Variants in MAGI1 observed in about 807,000 individuals in gnomAD.
MAGI1 encodes membrane-associated guanylate kinase, WW and PDZ domain-containing protein 1.
A neutral mutation model predicts 139.9 loss-of-function variants in MAGI1; 58 were observed. The observed-to-expected ratio is 0.41, with a 90% CI of 0.34 to 0.52. The LOEUF (loss-of-function observed/expected upper bound fraction) is 0.52. MAGI1 is among the 20% of genes least tolerant of loss of function. The pLI, the probability that MAGI1 is intolerant of heterozygous loss-of-function variation, is 0.12. For synonymous variants in MAGI1, 812 were observed against 737.9 expected (o/e 1.10, Z -1.63); for missense variants, 1,874 against 1,901.6 (o/e 0.99, Z 0.27).
intron 2 of MAGI1, chr3:65,499,070 A>C: frequency 1.0e-6 from 1 of 979,038 alleles, no homozygotes; most frequent in Non-Finnish European, 1.2e-6. Flanking sequence ...TAAAAAAAAA[A>C]AAACAAAAAA....
chr3:65,625,244 C>T (rs888951920), intron 1 of MAGI1, among the ~76,000 whole-genome samples: 1 of 152,078 alleles, frequency 6.6e-6, no homozygotes, highest in Non-Finnish European at 1.5e-5. Context: ...GAACTGTATA[C>T]ATAAAACAAG....
rs868730252 is a variant in MAGI1 at position 65,699,721 on chromosome 3, C to T, written c.314-77633G>A. On this transcript the variant is annotated intron_variant, in intron 1 of 22. Coordinates refer to ENST00000402939, the MANE Select transcript of MAGI1 (RefSeq NM_001033057.2). ...GAAGGGGAATATCACACTCTGGGGA[C>T]TGTGGTGGGGTGGGGGGAGGGGGGA... 9.0e-3 allele frequency among the ~76,000 whole-genome samples: 964 copies of T among 106,642 alleles called. 13 individuals carry two copies. Among genetic ancestry groups the T allele is most frequent in the African/African-American group, 0.035 (917 of 26,080 alleles). 70.0% of individuals were successfully genotyped at this position (106,642 alleles called of 152,430 possible).
At chr3:65,596,062 T>A (rs888514804) in intron 2 of MAGI1, among the ~76,000 whole-genome samples, 5 of 152,212 alleles carry the variant, frequency 3.3e-5, no homozygotes, top group Non-Finnish European at 7.3e-5. Flanking sequence ...CGAGTTTCAG[T>A]GCAAGTTAAA....
At position 66,010,155 on chromosome 3, in the gene MAGI1, T is replaced by A. The variant is rs2067253667; in HGVS notation, c.313+27841A>T. On this transcript the variant is annotated intron_variant, in intron 1 of 22. Coordinates refer to ENST00000402939, the MANE Select transcript of MAGI1 (RefSeq NM_001033057.2). ...ATAACGACTAACATATAGAAAATGCTTAGCCACAACATTAAGCAATGCTAA... is the reference window on the plus strand; with the variant it reads ...ATAACGACTAACATATAGAAAATGCATAGCCACAACATTAAGCAATGCTAA... Among the ~76,000 whole-genome samples the A allele has an allele frequency of 4.0e-5, 6 of 151,368 alleles. No individual in the cohort carries two copies. In the South Asian group the frequency reaches 1.2e-3, roughly 31 times the overall value.
At chr3:65,608,364 G>A (rs908893606) in intron 2 of MAGI1, among the ~76,000 whole-genome samples, 1 of 152,050 alleles carries the variant, frequency 6.6e-6, no homozygotes, top group African/African-American at 2.4e-5. Context: ...TCAGCCAGGA[G>A]GCAAAGGTTG....
intron 1 of MAGI1, among the ~76,000 whole-genome samples, chr3:65,690,157 T>C (rs1282771497): frequency 6.6e-6 from 1 of 150,894 alleles, no homozygotes; most frequent in African/African-American, 2.5e-5. Context: ...GGATAGGAAA[T>C]AAAGGTTTAA....
chr3:65,871,538 T>A (rs569029429), intron 1 of MAGI1, among the ~76,000 whole-genome samples: 1 of 152,202 alleles, frequency 6.6e-6, no homozygotes, highest in Admixed American at 6.5e-5. Flanking sequence ...AGGAGGCCAG[T>A]ATTACAGCTT....
chr3:65,551,184 C>T (rs556998140), intron 2 of MAGI1, among the ~76,000 whole-genome samples: 1 of 152,332 alleles, frequency 6.6e-6, no homozygotes, highest in South Asian at 2.1e-4. Context: ...TCTCCCTTCG[C>T]TTGCTTCTCT....
chr3:65,548,969 G>C (rs900500132), intron 2 of MAGI1, among the ~76,000 whole-genome samples: 3 of 152,172 alleles, frequency 2.0e-5, no homozygotes, highest in Non-Finnish European at 4.4e-5. Flanking sequence ...CAACCCACTG[G>C]AGCCAAAGTA....
intron 1 of MAGI1, among the ~76,000 whole-genome samples, chr3:65,865,653 T>G (rs2059699996): frequency 6.6e-6 from 1 of 152,244 alleles, no homozygotes; most frequent in Non-Finnish European, 1.5e-5. Flanking sequence ...TGTTTTGTTT[T>G]GTTTGCGATG....
rs536134806 is a variant in MAGI1 at position 65,445,873 on chromosome 3, G to T, written c.1078+2149C>A. Among the ~76,000 whole-genome samples the T allele has an allele frequency of 3.3e-5, 5 of 152,264 alleles. No homozygotes were observed. The East Asian group carries it at 7.7e-4, about 24-fold the overall frequency. ...AAAGAGGGTTTCCTTGTCACATCTG[G>T]AATTACATTGTTCACTGAAAACCTG... is the stretch of plus-strand genomic sequence containing the variant. On this transcript the variant is annotated intron_variant, in intron 7 of 22. Coordinates refer to ENST00000402939, the MANE Select transcript of MAGI1 (RefSeq NM_001033057.2).
chr3:65,870,646 G>A (rs9842664), intron 1 of MAGI1, among the ~76,000 whole-genome samples: 6 of 150,814 alleles, frequency 4.0e-5, no homozygotes, highest in East Asian at 3.9e-4. Context: ...GGCAGGGTGG[G>A]GGGGGTAGGA....
chr3:65,452,371 A>G (rs1253324538), intron 6 of MAGI1, among the ~76,000 whole-genome samples: 1 of 152,210 alleles, frequency 6.6e-6, no homozygotes, highest in Non-Finnish European at 1.5e-5. Context: ...ATTCTGCACT[A>G]TAGGACGAAT....
At chr3:65,887,405 AG>A (rs201328558) in intron 1 of MAGI1, among the ~76,000 whole-genome samples, 2,346 of 125,638 alleles carry the variant, frequency 0.019, 52 homozygotes, top group African/African-American at 0.063. Context: ...AAAAAAAAAA[AG>A]GGCAGGGGCA....
At chr3:65,871,364 T>C (rs2108489124) in intron 1 of MAGI1, among the ~76,000 whole-genome samples, 1 of 152,326 alleles carries the variant, frequency 6.6e-6, no homozygotes, top group Admixed American at 6.5e-5. Flanking sequence ...GCATGCACTC[T>C]TTCTTCATGC....
At chr3:65,824,659 T>C (rs1449677151) in intron 1 of MAGI1, among the ~76,000 whole-genome samples, 3 of 152,216 alleles carry the variant, frequency 2.0e-5, no homozygotes, top group Admixed American at 6.5e-5. Flanking sequence ...AGAGACACAG[T>C]AGCCCTCCAT....
intron 1 of MAGI1, among the ~76,000 whole-genome samples, chr3:65,805,305 G>C (rs1011283709): frequency 1.3e-5 from 2 of 152,168 alleles, no homozygotes; most frequent in Non-Finnish European, 2.9e-5. Flanking sequence ...CTCAAAAGAA[G>C]TCATTTATGC....
At chr3:65,812,456 T>TCACACACACA (rs1347889249) in intron 1 of MAGI1, among the ~76,000 whole-genome samples, 8 of 106,802 alleles carry the variant, frequency 7.5e-5, no homozygotes, top group Non-Finnish European at 1.3e-4. Context: ...TCTCTCTCTC[T>TCACACACACA]CTCTCTCTCT....
chr3:65,707,452 G>A (rs112882760), intron 1 of MAGI1, among the ~76,000 whole-genome samples: 5 of 152,090 alleles, frequency 3.3e-5, no homozygotes, highest in South Asian at 2.1e-4. Flanking sequence ...TTGGGAGGCC[G>A]AGCCAGGTGA....
Sources: gnomAD v4.1 joint callset for allele counts (sites outside exome capture counted in the v4.1 genomes callset) on GRCh38, gnomAD v4.1.1 for gene constraint, MANE v1.5 for transcripts, NCBI Gene and HGNC (gene_info 2026-07-23, HGNC 2026-07-21) for gene names.